FHIT: variants seen among roughly 807,000 people sequenced by gnomAD.
FHIT encodes bis(5'-adenosyl)-triphosphatase.
FHIT carries 19 observed loss-of-function variants against 17.9 expected under a neutral mutation model. The observed-to-expected ratio is 1.06, with a 90% CI of 0.74 to 1.56. FHIT has a LOEUF of 1.56. FHIT is among the 40% of genes most tolerant of loss of function. The pLI is 0.00. For synonymous variants in FHIT, 81 were observed against 69.7 expected, an observed-to-expected ratio of 1.16 and a Z score of -0.81; for missense variants, 248 against 189.2, an observed-to-expected ratio of 1.31 and a Z score of -1.82.
chr3:60,360,238 A>T (rs1193674069), intron 5 of FHIT, among the ~76,000 whole-genome samples: 3 of 148,792 alleles, frequency 2.0e-5, no homozygotes, highest in South Asian at 2.1e-4. Context: ...GGGCAAGAAA[A>T]TTTTTTTTTT....
chr3:60,569,726 T>TATATATATATATATATATATATAC (rs1559547441), intron 4 of FHIT, among the ~76,000 whole-genome samples: 6 of 9,524 alleles, frequency 6.3e-4, no homozygotes, highest in African/African-American at 1.8e-3. Flanking sequence ...TTATTAATAC[T>TATATATATATATATATATATATAC]ATATATATAT....
chr3:60,148,470 G>A (rs1700329240), intron 5 of FHIT, among the ~76,000 whole-genome samples: 1 of 152,102 alleles, frequency 6.6e-6, no homozygotes, highest in African/African-American at 2.4e-5. Context: ...TTACCTTTCT[G>A]GTAGAATTTT....
chr3:60,113,064 T>A (rs1704750289), intron 5 of FHIT, among the ~76,000 whole-genome samples: 1 of 152,334 alleles, frequency 6.6e-6, no homozygotes, highest in African/African-American at 2.4e-5. Flanking sequence ...GACCATCCAA[T>A]CTCAAGTAGC....
chr3:59,816,211 G>C (rs571891001), intron 8 of FHIT, among the ~76,000 whole-genome samples: 4 of 152,150 alleles, frequency 2.6e-5, no homozygotes, highest in Non-Finnish European at 4.4e-5. Context: ...ATGTAAATGG[G>C]GACAGTGATC....
chr3:59,776,687 G>T (rs1351551453), intron 8 of FHIT, among the ~76,000 whole-genome samples: 3 of 152,140 alleles, frequency 2.0e-5, no homozygotes, highest in African/African-American at 7.2e-5. Flanking sequence ...CAGATCAAAT[G>T]ATTCTCCCCT....
chr3:60,323,290 G>A (rs1319030612), intron 5 of FHIT, among the ~76,000 whole-genome samples: 1 of 152,008 alleles, frequency 6.6e-6, no homozygotes, highest in Non-Finnish European at 1.5e-5. Flanking sequence ...CTAAGTGCTT[G>A]ACTAAATTTT....
At chr3:61,214,229 GA>G (rs1485427606) in intron 1 of FHIT, among the ~76,000 whole-genome samples, 3 of 151,054 alleles carry the variant, frequency 2.0e-5, no homozygotes, top group African/African-American at 7.3e-5. Context: ...CTGGTTTTTT[GA>G]AAGGATCAAC....
intron 2 of FHIT, among the ~76,000 whole-genome samples, chr3:61,078,893 C>T (rs1486950971): frequency 6.6e-6 from 1 of 151,982 alleles, no homozygotes; most frequent in East Asian, 1.9e-4. Context: ...TTCTATGAAT[C>T]TGTGTTTTTT....
At chr3:60,499,874 C>G (rs1384732215) in intron 5 of FHIT, among the ~76,000 whole-genome samples, 1 of 150,534 alleles carries the variant, frequency 6.6e-6, no homozygotes, top group African/African-American at 2.4e-5. Flanking sequence ...GTCCCTCACT[C>G]TCAATCATAC....
chr3:60,021,742 G>A (rs1371400387), intron 5 of FHIT, among the ~76,000 whole-genome samples: 1 of 152,046 alleles, frequency 6.6e-6, no homozygotes, highest in African/African-American at 2.4e-5. Flanking sequence ...TCCCAGCCAG[G>A]GGCATGTGCT....
rs144621824 is a variant in FHIT, at chr3:60,214,088, T to G, written c.104-199936A>C. 3.4e-3 allele frequency among the ~76,000 whole-genome samples: 518 copies of G among 152,282 alleles called. 3 individuals are homozygous for G. The highest frequency in any genetic ancestry group is 0.012 in the African/African-American group (499 of 41,576). On this transcript the variant is annotated intron_variant, in intron 5 of 9. Transcript: ENST00000492590. Reference sequence around the variant, plus strand: ...CTAGCGCAATGGGAAGCTAAGTAGATACGATTCCAGGCCCTACCCTCACTA... The same window carrying G: ...CTAGCGCAATGGGAAGCTAAGTAGAGACGATTCCAGGCCCTACCCTCACTA...
intron 8 of FHIT, among the ~76,000 whole-genome samples, chr3:59,833,852 G>A (rs369547552): frequency 1.3e-5 from 2 of 152,142 alleles, no homozygotes; most frequent in African/African-American, 4.8e-5. Flanking sequence ...GTTCTCAAGA[G>A]ATCTGATGGC....
At chr3:60,524,238 AC>A in intron 5 of FHIT, among the ~76,000 whole-genome samples, 1 of 150,508 alleles carries the variant, frequency 6.6e-6, no homozygotes, top group South Asian at 2.1e-4. Context: ...ACACACACAC[AC>A]ACACACACAA....
chr3:60,910,286 C>A (rs1471914173), intron 3 of FHIT, among the ~76,000 whole-genome samples: 1 of 152,098 alleles, frequency 6.6e-6, no homozygotes, highest in Non-Finnish European at 1.5e-5. Context: ...CTTCCCCCAC[C>A]ACAAAGACTG....
chr3:61,109,884 A>G (rs1284205629), intron 2 of FHIT, among the ~76,000 whole-genome samples: 2 of 152,120 alleles, frequency 1.3e-5, no homozygotes, highest in Non-Finnish European at 2.9e-5. Context: ...ACAACCTTCA[A>G]AAGATTAACA....
intron 5 of FHIT, among the ~76,000 whole-genome samples, chr3:60,204,561 G>T (rs1157518833): frequency 1.3e-5 from 2 of 152,004 alleles, no homozygotes; most frequent in African/African-American, 4.8e-5. Flanking sequence ...AAAGTGCTGG[G>T]ATTACAGGGG....
intron 4 of FHIT, among the ~76,000 whole-genome samples, chr3:60,560,430 G>T (rs1389040116): frequency 1.3e-5 from 2 of 152,128 alleles, no homozygotes; most frequent in African/African-American, 2.4e-5. Flanking sequence ...CAGGTGGTAG[G>T]CAAGAACAGC....
chr3:60,574,296 A>G (rs1376851211), intron 4 of FHIT, among the ~76,000 whole-genome samples: 1 of 151,608 alleles, frequency 6.6e-6, no homozygotes, highest in Non-Finnish European at 1.5e-5. Context: ...ACTCCAGTGG[A>G]AACCACTTAA....
At chr3:60,453,927 G>A (rs993141734) in intron 5 of FHIT, among the ~76,000 whole-genome samples, 2 of 152,068 alleles carry the variant, frequency 1.3e-5, no homozygotes, top group Non-Finnish European at 2.9e-5. Flanking sequence ...AGGGGAGAGA[G>A]GGAGATAATG....
Sources: gnomAD v4.1 joint callset for allele counts (sites outside exome capture counted in the v4.1 genomes callset) on GRCh38, gnomAD v4.1.1 for gene constraint, MANE v1.5 for transcripts, NCBI Gene and HGNC (gene_info 2026-07-23, HGNC 2026-07-21) for gene names.